Variants in FAT3 observed in about 807,000 individuals in gnomAD.
FAT3 encodes FAT atypical cadherin 3, also known as protocadherin Fat 3.
In FAT3, 95 loss-of-function variants were observed where a neutral mutation model predicts 310.2. The ratio of observed to expected loss-of-function variants is 0.31; its 90% CI spans 0.26 to 0.36. The LOEUF (loss-of-function observed/expected upper bound fraction) is 0.36. Among genes scored for constraint, FAT3 ranks in the 10% least tolerant of loss-of-function variants. FAT3 has a pLI of 1.00. For synonymous variants in FAT3, 2,314 were observed against 2,192.9 expected (o/e 1.06, Z -1.54); for missense variants, 5,408 against 5,715.6 (o/e 0.95, Z 1.74).
intron 1 of FAT3, among the ~76,000 whole-genome samples, chr11:92,290,724 A>G (rs181855254): frequency 1.2e-4 from 18 of 152,020 alleles, no homozygotes; most frequent in Admixed American, 8.5e-4. Flanking sequence ...AGATCATGCC[A>G]CTACACTCCA....
chr11:92,574,254 TA>T (rs1938344765), intron 3 of FAT3, among the ~76,000 whole-genome samples: 1 of 152,000 alleles, frequency 6.6e-6, no homozygotes, highest in African/African-American at 2.4e-5. Context: ...CTTCAGGAAA[TA>T]AAAATCCCAC....
chr11:92,765,559 G>A (rs894973268), intron 6 of FAT3, among the ~76,000 whole-genome samples: 9 of 152,066 alleles, frequency 5.9e-5, no homozygotes, highest in Non-Finnish European at 1.3e-4. Context: ...CTTGTGGGCA[G>A]AACTGTTCAA....
At chr11:92,688,483 C>A (rs924764132) in intron 3 of FAT3, among the ~76,000 whole-genome samples, 1 of 152,184 alleles carries the variant, frequency 6.6e-6, no homozygotes, top group Non-Finnish European at 1.5e-5. Context: ...GTCATTCTCA[C>A]CCCTAGCTGA....
chr11:92,840,993 G>A (rs1394868642), intron 18 of FAT3, among the ~76,000 whole-genome samples: 3 of 152,220 alleles, frequency 2.0e-5, no homozygotes, highest in Non-Finnish European at 4.4e-5. Context: ...TTCCTGTAGA[G>A]TATGCCCAAC....
At chr11:92,284,636 C>T (rs1021753259) in intron 1 of FAT3, among the ~76,000 whole-genome samples, 3 of 152,084 alleles carry the variant, frequency 2.0e-5, no homozygotes, top group African/African-American at 7.2e-5. Context: ...GGGCACACTG[C>T]GTTTGAAAAC....
rs1037700378 is a variant in FAT3, at chr11:92,867,207, G to C, written c.12125G>C (p.Gly4042Ala). 1.3e-6 allele frequency: 2 copies of C among 1,568,270 alleles called. No individual in the cohort carries two copies. Among genetic ancestry groups the C allele is most frequent in the Non-Finnish European group, 1.7e-6 (2 of 1,161,704 alleles). ...HGGSCTGLPSGGYQCTCLSQF... is the reference protein window; with the variant it reads ...HGGSCTGLPSAGYQCTCLSQF... ...GGCAGCTGCACTGGCCTGCCATCGGGGGGTGAGTGTGGCTACGCAGTGGGC... is the reference window on the plus strand; with the variant it reads ...GGCAGCTGCACTGGCCTGCCATCGGCGGGTGAGTGTGGCTACGCAGTGGGC... The change falls in exon 22 of 28, where the codon GGG becomes GCG. Residue 4042 changes from glycine (G) to alanine (A), a missense_variant and splice_region_variant. Coordinates refer to ENST00000525166, the MANE Select transcript of FAT3 (RefSeq NM_001367949.2).
chr11:92,314,354 T>A, intron 1 of FAT3: 1 of 912,570 alleles, frequency 1.1e-6, no homozygotes, highest in Non-Finnish European at 1.3e-6. Context: ...ATTTTTACAT[T>A]TGTAAAAAAA....
intron 1 of FAT3, among the ~76,000 whole-genome samples, chr11:92,321,165 G>A (rs1469783910): frequency 3.9e-5 from 6 of 152,030 alleles, no homozygotes; most frequent in South Asian, 4.2e-4. Context: ...GGCCGGGCAC[G>A]GTGGCTCACT....
At position 92,891,941 on chromosome 11, in the gene FAT3, C is replaced by T. The variant is rs776831033; in HGVS notation, c.*828C>T. The stretch of plus-strand genomic sequence containing the variant: ...AATCTAACATTGCTACAGAAGTTGG[C>T]TTTGTTCATATAGCTTCTCTACAAT... On this transcript the variant is annotated 3_prime_UTR_variant, in exon 28 of 28. Coordinates refer to ENST00000525166, the MANE Select transcript of FAT3 (RefSeq NM_001367949.2). 11 of 152,076 alleles carry T rather than the reference C, an allele frequency of 7.2e-5. No homozygotes were observed. Among genetic ancestry groups the T allele is most frequent in the African/African-American group, 9.7e-5 (4 of 41,404 alleles). 9.4% of individuals were successfully genotyped at this position (152,076 alleles called of 1,614,324 possible). A position where few individuals can be genotyped will look rare whatever the true frequency, so the allele number is the denominator to read the frequency against.
chr11:92,828,249 A>C (rs1948149479), intron 13 of FAT3, among the ~76,000 whole-genome samples: 1 of 152,096 alleles, frequency 6.6e-6, no homozygotes, highest in Admixed American at 6.6e-5. Flanking sequence ...ATGGCACCCC[A>C]TTGCCCAGGA....
chr11:92,634,354 T>C (rs1941679017), intron 3 of FAT3, among the ~76,000 whole-genome samples: 1 of 152,178 alleles, frequency 6.6e-6, no homozygotes, highest in Admixed American at 6.5e-5. Flanking sequence ...ATTTGTATTG[T>C]CAAGGAGTTT....
chr11:92,318,671 G>C (rs1036152327), intron 1 of FAT3, among the ~76,000 whole-genome samples: 1 of 152,212 alleles, frequency 6.6e-6, no homozygotes, highest in Non-Finnish European at 1.5e-5. Flanking sequence ...ATACCCATAA[G>C]AGTAAAAGCA....
intron 22 of FAT3, among the ~76,000 whole-genome samples, chr11:92,873,117 G>A (rs1949432328): frequency 1.3e-5 from 2 of 152,176 alleles, no homozygotes. Context: ...AGCACCTAAT[G>A]TTGTGTGCTG....
chr11:92,313,047 T>G (rs2134461888), intron 1 of FAT3, among the ~76,000 whole-genome samples: 1 of 152,334 alleles, frequency 6.6e-6, no homozygotes, highest in South Asian at 2.1e-4. Context: ...ATTTTAATCT[T>G]TATGACTATA....
intron 2 of FAT3, among the ~76,000 whole-genome samples, chr11:92,433,210 C>A (rs150779109): frequency 6.0e-4 from 92 of 152,260 alleles, no homozygotes; most frequent in Non-Finnish European, 1.0e-3. Flanking sequence ...CACTTGGCTC[C>A]CTGGCTTCAG....
intron 4 of FAT3, among the ~76,000 whole-genome samples, chr11:92,759,802 T>G (rs991916516): frequency 5.9e-5 from 9 of 152,144 alleles, no homozygotes; most frequent in African/African-American, 2.2e-4. Context: ...AGCAGCGAAC[T>G]GTTGCCAAGA....
chr11:92,561,504 T>A (rs1955225791), intron 3 of FAT3, among the ~76,000 whole-genome samples: 1 of 152,192 alleles, frequency 6.6e-6, no homozygotes, highest in South Asian at 2.1e-4. Flanking sequence ...ATAAAAAATC[T>A]TGTCTTTCGT....
intron 4 of FAT3, among the ~76,000 whole-genome samples, chr11:92,732,236 G>A (rs1222990157): frequency 6.6e-6 from 1 of 152,170 alleles, no homozygotes; most frequent in African/African-American, 2.4e-5. Context: ...ATAATACAGA[G>A]AGTGACTGAA....
At chr11:92,447,222 C>CGTGTGTGT (rs34833885) in intron 2 of FAT3, among the ~76,000 whole-genome samples, 2,965 of 146,354 alleles carry the variant, frequency 0.02, 106 homozygotes, top group African/African-American at 0.068. Context: ...TATATGTGTG[C>CGTGTGTGT]GTGTGTGTGT....
Sources: allele counts gnomAD v4.1 joint callset (sites outside exome capture counted in the v4.1 genomes callset), GRCh38; gene constraint gnomAD v4.1.1; transcripts MANE v1.5; gene names NCBI Gene and HGNC (gene_info 2026-07-23, HGNC 2026-07-21).